CRB1: variants seen among roughly 807,000 people sequenced by gnomAD.
The protein encoded by CRB1 is crumbs cell polarity complex component 1.
Under a neutral mutation model 120.0 loss-of-function variants are expected in CRB1, and 83 were observed. The observed-to-expected ratio is 0.69, with a 90% CI of 0.58 to 0.83. The LOEUF is 0.83. Among genes scored for constraint, CRB1 ranks in the 40% least tolerant of loss-of-function variants. CRB1 has a pLI of 0.00. For missense variants in CRB1, 1,699 were observed against 1,687.6 expected, an observed-to-expected ratio of 1.01 and a Z score of -0.12; for synonymous variants, 625 against 612.5, an observed-to-expected ratio of 1.02 and a Z score of -0.30.
At chr1:197,300,145 C>T (rs963668387) in intron 1 of CRB1, among the ~76,000 whole-genome samples, 1 of 151,922 alleles carries the variant, frequency 6.6e-6, no homozygotes, top group East Asian at 1.9e-4. Flanking sequence ...TGAGACTAAA[C>T]AATATTGAAA....
At chr1:197,368,631 T>C (rs1661206643) in intron 5 of CRB1, among the ~76,000 whole-genome samples, 1 of 152,224 alleles carries the variant, frequency 6.6e-6, no homozygotes, top group Admixed American at 6.5e-5. Context: ...CAGAGGCAGA[T>C]ATGTTTGTAG....
intron 1 of CRB1, among the ~76,000 whole-genome samples, chr1:197,313,680 A>G (rs1434174352): frequency 3.3e-5 from 5 of 152,150 alleles, no homozygotes; most frequent in African/African-American, 4.8e-5. Flanking sequence ...ACTCCCATGT[A>G]TAAGTGAGAA....
intron 11 of CRB1, among the ~76,000 whole-genome samples, chr1:197,451,683 C>G (rs1306525729): frequency 6.6e-6 from 1 of 152,168 alleles, no homozygotes; most frequent in Admixed American, 6.5e-5. Flanking sequence ...TTGCTTCATC[C>G]TCAATCATTT....
At chr1:197,369,812 T>C (rs1397348527) in intron 5 of CRB1, among the ~76,000 whole-genome samples, 2 of 152,168 alleles carry the variant, frequency 1.3e-5, no homozygotes, top group Non-Finnish European at 2.9e-5. Context: ...CAATTACCAA[T>C]ATCCTCAACT....
intron 11 of CRB1, among the ~76,000 whole-genome samples, chr1:197,450,378 C>T (rs1307548359): frequency 6.6e-6 from 1 of 152,014 alleles, no homozygotes; most frequent in Non-Finnish European, 1.5e-5. Context: ...TGATGAATGC[C>T]AGGGCCTAGA....
At chr1:197,380,907 C>T (rs1165521940) in intron 5 of CRB1, among the ~76,000 whole-genome samples, 1 of 152,182 alleles carries the variant, frequency 6.6e-6, no homozygotes, top group Non-Finnish European at 1.5e-5. Context: ...GCGCATCTCT[C>T]GTTGTTGAAC....
Position 197,434,694 on chromosome 1 carries a change from T to G in CRB1, c.2843-12T>G. 6.2e-7 allele frequency: 1 copy of G among 1,607,420 alleles called. No individual in the cohort carries two copies. Among genetic ancestry groups the G allele is most frequent in the Non-Finnish European group, 8.5e-7 (1 of 1,174,364 alleles). On this transcript the variant is annotated splice_polypyrimidine_tract_variant and intron_variant, in intron 8 of 11. Transcript: ENST00000367400. ...AATAAAGTTATTGATTATTATCACC[T>G]TCTCTCATTAGGTATTGCAAATGCT...
rs1034422363 is a variant in CRB1, at chr1:197,421,583, C to A, written c.1755C>A (p.Asp585Glu). The A allele has an allele frequency of 3.1e-6, 5 of 1,614,216 alleles. No individual in the cohort carries two copies. Among genetic ancestry groups the A allele is most frequent in the Non-Finnish European group, 3.4e-6 (4 of 1,180,038 alleles). The change falls in exon 6 of 12, where the codon GAC becomes GAA. Residue 585 changes from aspartate (D) to glutamate (E), a missense_variant. Asp to Glu is a conservative substitution (Grantham distance 45, BLOSUM62 2). Coordinates refer to ENST00000367400, the MANE Select transcript of CRB1 (RefSeq NM_201253.3). ...CTGTGACCCTTACCTTAATCGACGA[C>A]TCCTGTAAGGAGAAATGCATCGCGA... ...AEAVTLTLIDDSCKEKCIAKA... is the reference protein window; with the variant it reads ...AEAVTLTLIDESCKEKCIAKA...
upstream of CRB1, among the ~76,000 whole-genome samples, chr1:197,265,096 G>A (rs902566810): frequency 1.3e-5 from 2 of 152,150 alleles, no homozygotes; most frequent in South Asian, 2.1e-4. Flanking sequence ...TGTCATGGCA[G>A]TGGGTTTCTA....
In CRB1 at chr1:197,436,591, A is replaced by G. The variant is rs149837481; in HGVS notation, c.3749+979A>G. Among the ~76,000 whole-genome samples, 481 of 152,320 alleles carry G rather than the reference A, an allele frequency of 3.2e-3. 24 individuals are homozygous for G. Among genetic ancestry groups the G allele is most frequent in the Admixed American group, 0.027 (420 of 15,294 alleles). ...ACTAATTCAAAGGACAATCTAAAGAATATGTATACGTATATATACAAACAA... is the reference window on the plus strand; with the variant it reads ...ACTAATTCAAAGGACAATCTAAAGAGTATGTATACGTATATATACAAACAA... On this transcript the variant is annotated intron_variant, in intron 9 of 11. Coordinates refer to ENST00000367400, the MANE Select transcript of CRB1 (RefSeq NM_201253.3).
rs1660525349 is a variant in CRB1 at position 197,357,086 on chromosome 1, T to G, written c.1171+73T>G. The G allele has an allele frequency of 1.4e-5, 20 of 1,464,160 alleles. No individual in the cohort carries two copies. In the East Asian group the frequency reaches 4.5e-4, roughly 33 times the overall value. The allele number at this position is 1,464,160 out of a possible 1,614,324, so 90.7% of individuals were successfully genotyped here. On this transcript the variant is annotated intron_variant, in intron 5 of 11. Transcript: ENST00000367400. ...GCAGACCATGGCTTTAACCAAATGG[T>G]GTATTAGCAGGAAGAGCTGTACTGT...
At chr1:197,298,379 T>G (rs1571792094) in intron 1 of CRB1, among the ~76,000 whole-genome samples, 1 of 152,200 alleles carries the variant, frequency 6.6e-6, no homozygotes, top group East Asian at 1.9e-4. Flanking sequence ...AGAAGGTACC[T>G]CTAACAGGTT....
In CRB1 at chr1:197,279,465, A is replaced by G. The variant is rs1476883081; in HGVS notation, c.70+10983A>G. On this transcript the variant is annotated intron_variant, in intron 1 of 11. Transcript: ENST00000367400. ...TCTGTAATTATAAACTCAAATAATT[A>G]TAGATGTAAATATAAATTGCTTTCT... Among the ~76,000 whole-genome samples, 3 of 151,662 alleles carry G rather than the reference A, an allele frequency of 2.0e-5. No individual in the cohort carries two copies. The East Asian group carries it at 5.8e-4, about 29-fold the overall frequency.
At chr1:197,458,926 G>A (rs980233337) in intron 11 of CRB1, among the ~76,000 whole-genome samples, 1 of 152,064 alleles carries the variant, frequency 6.6e-6, no homozygotes, top group Non-Finnish European at 1.5e-5. Flanking sequence ...ATGAGCTATT[G>A]CAAGAGGGAA....
chr1:197,283,983 A>G (rs1332072060), intron 1 of CRB1, among the ~76,000 whole-genome samples: 1 of 151,900 alleles, frequency 6.6e-6, no homozygotes, highest in Non-Finnish European at 1.5e-5. Context: ...AATATTCAAG[A>G]AACGAAAGAT....
chr1:197,215,210 C>T, the CRB1 span, among the ~76,000 whole-genome samples: 6 of 151,646 alleles, frequency 4.0e-5, no homozygotes, highest in South Asian at 1.3e-3. Context: ...GTGTCCCCAC[C>T]AAAATCTCAT....
At chr1:197,222,359 G>A in the CRB1 span, 2 of 755,484 alleles carry the variant, frequency 2.6e-6, no homozygotes, top group Non-Finnish European at 5.0e-6. Context: ...CATTGTCCAT[G>A]GCCTTCTCTG....
chr1:197,382,056 G>A (rs945171896), intron 5 of CRB1, among the ~76,000 whole-genome samples: 11 of 152,184 alleles, frequency 7.2e-5, no homozygotes, highest in African/African-American at 2.4e-4. Context: ...GAAGCAAAGT[G>A]AGGAGAAACT....
chr1:197,443,481 A>G (rs1209234930), intron 11 of CRB1: 5 of 152,000 alleles, frequency 3.3e-5, no homozygotes, highest in Non-Finnish European at 5.9e-5. Flanking sequence ...TTTCTATCAA[A>G]TGGACTAATT....
Sources: gnomAD v4.1 joint callset for allele counts (sites outside exome capture counted in the v4.1 genomes callset) on GRCh38, gnomAD v4.1.1 for gene constraint, MANE v1.5 for transcripts, NCBI Gene and HGNC (gene_info 2026-07-23, HGNC 2026-07-21) for gene names.